Variants in WDFY4 observed in about 807,000 individuals in gnomAD.
WDFY4 encodes WD repeat- and FYVE domain-containing protein 4.
In WDFY4, 169 loss-of-function variants were observed where a neutral mutation model predicts 351.9. The observed-to-expected ratio is 0.48, with a 90% CI of 0.42 to 0.55. The LOEUF is 0.55. Ranked by LOEUF, WDFY4 falls within the 20% of genes least tolerant of loss-of-function variation. The probability of loss-of-function intolerance (pLI) is 0.00; values close to 1 mark genes in which losing one functional copy is unlikely to be tolerated. For missense variants in WDFY4, 3,803 were observed against 3,935.6 expected (o/e 0.97, Z 0.90); for synonymous variants, 1,622 against 1,574.6 (o/e 1.03, Z -0.71).
chr10:48,969,127 CT>C lies in WDFY4; in HGVS notation c.8649del (p.Glu2884ArgfsTer7). ...PKGAIGHIVS[T>X]EKTILAVERN... ...GGGGCCATTGGCCACATTGTCTCTA[CT>C]GAGAAGACCATTCTGGCTGTAGAGA... On this transcript the variant is annotated frameshift_variant, in exon 56 of 62. Coordinates refer to ENST00000325239, the MANE Select transcript of WDFY4 (RefSeq NM_001394531.1). LOFTEE classifies it high-confidence loss of function. 2 of 1,551,798 alleles carry C rather than the reference CT, an allele frequency of 1.3e-6. No homozygotes were observed. The highest frequency in any genetic ancestry group is 2.4e-5 in the South Asian group (2 of 84,064).
At chr10:48,897,331 A>T in intron 44 of WDFY4, 123 bp from the exon 45 acceptor site, 1 of 1,368,654 alleles carries the variant, frequency 7.3e-7, no homozygotes, top group Non-Finnish European at 9.9e-7. Context: ...TGACCACCGC[A>T]CTTCTCTGAT....
chr10:48,833,578 A>T (rs1415459949), intron 39 of WDFY4, among the ~76,000 whole-genome samples: 1 of 152,198 alleles, frequency 6.6e-6, no homozygotes, highest in Non-Finnish European at 1.5e-5. Context: ...CCACCTTCTC[A>T]TGGGGGAGTG....
chr10:48,951,303 T>C (rs1841310441), intron 51 of WDFY4, among the ~76,000 whole-genome samples: 2 of 152,200 alleles, frequency 1.3e-5, no homozygotes, highest in African/African-American at 2.4e-5. Flanking sequence ...TGACCAGGCA[T>C]GGGTCAGCTT....
rs1254727296 is a variant in WDFY4, at chr10:48,743,308, G to T, written c.2219G>T (p.Arg740Met). 1.3e-6 allele frequency: 2 copies of T among 1,551,670 alleles called. No homozygotes were observed. Among genetic ancestry groups the T allele is most frequent in the Non-Finnish European group, 1.7e-6 (2 of 1,146,960 alleles). Residue 740 changes from arginine to methionine, a missense_variant, in exon 12 of 62, where the codon AGG (arginine) becomes ATG (methionine). This residue lies in a region of WDFY4 where 3,054 missense variants were observed against 3,148.6 expected (regional missense o/e 0.97). Coordinates refer to ENST00000325239, the MANE Select transcript of WDFY4 (RefSeq NM_001394531.1). ...LLRSWVDTKA[R>M]PFADLLGTAF... ...CGCTCTTGGGTGGACACAAAGGCCA[G>T]GCCATTTGCAGATTTGCTGGGCACT... is the stretch of plus-strand genomic sequence containing the variant.
intron 47 of WDFY4, among the ~76,000 whole-genome samples, chr10:48,915,537 A>G (rs984832956): frequency 3.3e-5 from 5 of 152,048 alleles, no homozygotes; most frequent in African/African-American, 1.2e-4. Context: ...CAGTTTCTGT[A>G]CTTCATCACC....
intron 1 of WDFY4, among the ~76,000 whole-genome samples, chr10:48,685,556 C>T (rs1357332159): frequency 6.6e-6 from 1 of 152,192 alleles, no homozygotes; most frequent in Non-Finnish European, 1.5e-5. Flanking sequence ...TCCCTGGGCT[C>T]ACTTCCCTCA....
chr10:48,790,741 C>T lies in WDFY4; in HGVS notation c.4081C>T (p.His1361Tyr), dbSNP rs2066650841. 1.9e-6 allele frequency: 3 copies of T among 1,551,766 alleles called. No individual in the cohort carries two copies. The highest frequency in any genetic ancestry group is 2.6e-6 in the Non-Finnish European group (3 of 1,146,976). ...AVGQLGVRVF[H>Y]SSPAASSLDF... The stretch of plus-strand genomic sequence containing the variant: ...ATGCCACACAGGGGTGAGGGTATTC[C>T]ACTCCAGCCCTGCTGCCAGCAGCCT... Residue 1361 changes from histidine to tyrosine, a missense_variant, in exon 23 of 62, where the codon CAC becomes TAC. Physicochemically the swap from His to Tyr is moderately conservative, Grantham distance 83 (BLOSUM62 2). Coordinates refer to ENST00000325239, the MANE Select transcript of WDFY4 (RefSeq NM_001394531.1).
chr10:48,952,707 C>A (rs1178953554), intron 51 of WDFY4, among the ~76,000 whole-genome samples: 1 of 152,046 alleles, frequency 6.6e-6, no homozygotes, highest in African/African-American at 2.4e-5. Flanking sequence ...TTCAGCAAGT[C>A]TTGACGGGTT....
intron 24 of WDFY4, among the ~76,000 whole-genome samples, chr10:48,796,667 GCC>G (rs2066886734): frequency 6.6e-6 from 1 of 152,186 alleles, no homozygotes; most frequent in Non-Finnish European, 1.5e-5. Context: ...ACCTCTCTGA[GCC>G]CCACTCTTTT....
At position 48,786,743 on chromosome 10, in the gene WDFY4, G is replaced by A. The variant is rs1441576522; in HGVS notation, c.3681G>A (p.Lys1227=). 6.4e-7 allele frequency: 1 copy of A among 1,552,226 alleles called. No homozygotes were observed. The highest frequency in any genetic ancestry group is 1.4e-5 in the African/African-American group (1 of 73,048). Residue 1227 remains lysine, a synonymous_variant, in exon 20 of 62, where the codon AAG becomes AAA. Transcript: ENST00000325239. ...CTACTCCTCGAGTCTGGAAACAAAA[G>A]TCTTCATTAATCTGGCGTCTTGGCC... ...YIATPRVWKQ[K]SSLIWRLGPT... is the part of the protein sequence containing the mutation.
At chr10:48,966,843 A>T in intron 55 of WDFY4, 170 bp downstream of exon 55, 1 of 947,480 alleles carries the variant, frequency 1.1e-6, no homozygotes, top group Non-Finnish European at 1.5e-6. Context: ...CATCTCTGGG[A>T]AGTGTCTAGG....
At chr10:48,695,046 A>G (rs1335274810) in intron 1 of WDFY4, among the ~76,000 whole-genome samples, 1 of 152,176 alleles carries the variant, frequency 6.6e-6, no homozygotes, top group Non-Finnish European at 1.5e-5. Context: ...CCAGAGACCC[A>G]CTACACGGAA....
At chr10:48,788,016 CCTT>C (rs1565199561) in intron 20 of WDFY4, among the ~76,000 whole-genome samples, 1 of 136,942 alleles carries the variant, frequency 7.3e-6, no homozygotes. Context: ...TTCTCCTTCT[CCTT>C]CTCCTTCTCC....
At chr10:48,698,255 T>A (rs763752351) in intron 1 of WDFY4, among the ~76,000 whole-genome samples, 1 of 152,206 alleles carries the variant, frequency 6.6e-6, no homozygotes, top group Non-Finnish European at 1.5e-5. Flanking sequence ...GCCCACGATG[T>A]CTGTCTTCTA....
intron 47 of WDFY4, among the ~76,000 whole-genome samples, chr10:48,928,287 G>A (rs1839744382): frequency 1.3e-5 from 2 of 152,096 alleles, no homozygotes; most frequent in Admixed American, 6.5e-5. Flanking sequence ...TAAAGAGGAT[G>A]TAAAAGTGGC....
chr10:48,781,784 C>G (rs1348812147), intron 19 of WDFY4, among the ~76,000 whole-genome samples: 1 of 152,122 alleles, frequency 6.6e-6, no homozygotes, highest in African/African-American at 2.4e-5. Flanking sequence ...ATTGTTTATG[C>G]CTATAAGCTA....
intron 47 of WDFY4, among the ~76,000 whole-genome samples, chr10:48,922,264 A>G (rs1005595037): frequency 6.6e-6 from 1 of 152,216 alleles, no homozygotes; most frequent in Non-Finnish European, 1.5e-5. Context: ...TCCCACCCAG[A>G]CCTTGAATCA....
intron 12 of WDFY4, among the ~76,000 whole-genome samples, chr10:48,756,959 G>A (rs1256253039): frequency 2.0e-5 from 3 of 151,992 alleles, no homozygotes; most frequent in African/African-American, 7.2e-5. Context: ...AATGAATTGG[G>A]AAGTGTTCCC....
Position 48,867,171 on chromosome 10 carries a change from AAAAATAAAATAAAAT to A in WDFY4, c.6664-58_6664-44del, listed in dbSNP as rs56031039. On this transcript the variant is annotated intron_variant, in intron 39 of 61. Transcript: ENST00000325239. ...GGTGACAGAATGAGACTGTGTCTCAAAAAATAAAATAAAATAAAATAAAATAAAATAAAATAAAAT... is the reference window on the plus strand; with the variant it reads ...GGTGACAGAATGAGACTGTGTCTCAAAAAATAAAATAAAATAAAATAAAAT... 3.7e-4 allele frequency: 128 copies of A among 348,752 alleles called. 11 individuals are homozygous for A. In the East Asian group the frequency reaches 3.9e-3, roughly 11 times the overall value. 21.6% of individuals were successfully genotyped at this position (348,752 alleles called of 1,614,324 possible). A position where few individuals can be genotyped will look rare whatever the true frequency, so the allele number is the denominator to read the frequency against.
Sources: allele counts gnomAD v4.1 joint callset (sites outside exome capture counted in the v4.1 genomes callset), GRCh38; gene constraint gnomAD v4.1.1; regional missense constraint gnomAD v4.1.1; transcripts MANE v1.5; gene names NCBI Gene and HGNC (gene_info 2026-07-23, HGNC 2026-07-21).